Variants in MYO3B observed in about 807,000 individuals in gnomAD.
The protein encoded by MYO3B is myosin IIIB.
A neutral mutation model predicts 174.6 loss-of-function variants in MYO3B; 156 were observed. The ratio of observed to expected loss-of-function variants is 0.89; its 90% CI spans 0.78 to 1.02. MYO3B has a LOEUF of 1.02. MYO3B is among the 50% of genes least tolerant of loss of function. MYO3B has a pLI of 0.00. For missense variants in MYO3B, 1,632 were observed against 1,639.4 expected, an observed-to-expected ratio of 1.00 and a Z score of 0.08; for synonymous variants, 563 against 569.1, an observed-to-expected ratio of 0.99 and a Z score of 0.15.
intron 3 of MYO3B, among the ~76,000 whole-genome samples, chr2:170,213,752 G>A (rs1229134601): frequency 6.6e-6 from 1 of 152,202 alleles, no homozygotes; most frequent in East Asian, 1.9e-4. Flanking sequence ...AAAAAAGAGA[G>A]AAGAGCATAA....
intron 5 of MYO3B, among the ~76,000 whole-genome samples, chr2:170,215,752 C>T (rs994574451): frequency 1.3e-5 from 2 of 152,106 alleles, no homozygotes; most frequent in Admixed American, 6.5e-5. Context: ...TCTTATGCTC[C>T]TCTTTATAAG....
chr2:170,392,141 AAAT>A (rs2094416412), intron 15 of MYO3B, among the ~76,000 whole-genome samples: 1 of 148,354 alleles, frequency 6.7e-6, no homozygotes, highest in Admixed American at 6.7e-5. Context: ...AAAAAAAAAA[AAAT>A]TAGCTGGGTG....
intron 31 of MYO3B, among the ~76,000 whole-genome samples, 183 bp from the exon 32 acceptor site, chr2:170,543,709 C>T (rs1475698895): frequency 6.6e-6 from 1 of 152,064 alleles, no homozygotes; most frequent in East Asian, 1.9e-4. Flanking sequence ...TTCTAATTGC[C>T]CCAAGGAGAG....
chr2:170,212,694 T>C (rs1355342155), intron 3 of MYO3B, among the ~76,000 whole-genome samples: 1 of 152,134 alleles, frequency 6.6e-6, no homozygotes, highest in Non-Finnish European at 1.5e-5. Context: ...GCCCTCTACC[T>C]CACCGATTGA....
intron 7 of MYO3B, among the ~76,000 whole-genome samples, chr2:170,319,999 C>T (rs914935210): frequency 7.2e-5 from 11 of 152,124 alleles, no homozygotes; most frequent in Non-Finnish European, 8.8e-5. Context: ...TGTTGCTAGC[C>T]AACCCGCCTT....
chr2:170,464,680 G>C (rs901839666), intron 24 of MYO3B, among the ~76,000 whole-genome samples: 6 of 152,168 alleles, frequency 3.9e-5, no homozygotes, highest in Non-Finnish European at 8.8e-5. Context: ...TCCATGCATT[G>C]AGTCGTGCTA....
At chr2:170,341,026 A>G (rs1416893808) in intron 8 of MYO3B, 1 of 152,174 alleles carries the variant, frequency 6.6e-6, no homozygotes. Context: ...ATGACATTCA[A>G]ATGGGTATAA....
At chr2:170,545,404 T>C (rs928005146) in intron 32 of MYO3B, among the ~76,000 whole-genome samples, 12 of 152,214 alleles carry the variant, frequency 7.9e-5, no homozygotes, top group African/African-American at 2.2e-4. Flanking sequence ...GTCTGGCTCA[T>C]AGTAAGTGTT....
intron 25 of MYO3B, among the ~76,000 whole-genome samples, chr2:170,494,727 C>CAAAAAAAAAAA (rs3066990): frequency 3.3e-5 from 3 of 92,052 alleles, no homozygotes; most frequent in East Asian, 3.2e-4. Flanking sequence ...AACTGCGTCT[C>CAAAAAAAAAAA]AAAAAAAAAA....
intron 34 of MYO3B, 62 bp downstream of exon 34, chr2:170,652,216 C>A (rs1001427019): frequency 6.9e-5 from 102 of 1,483,492 alleles, no homozygotes; most frequent in Admixed American, 2.0e-5. Flanking sequence ...TGTGATATTA[C>A]AGAAAATGCA....
At chr2:170,301,531 A>G (rs1473252135) in intron 7 of MYO3B, among the ~76,000 whole-genome samples, 1 of 152,192 alleles carries the variant, frequency 6.6e-6, no homozygotes, top group Non-Finnish European at 1.5e-5. Context: ...CTCTTCTACT[A>G]CATTAAATTT....
intron 7 of MYO3B, among the ~76,000 whole-genome samples, chr2:170,268,766 A>G (rs564864665): frequency 6.6e-6 from 1 of 152,264 alleles, no homozygotes; most frequent in African/African-American, 2.4e-5. Flanking sequence ...TATAACAGAT[A>G]AAAATTAATA....
At chr2:170,341,162 G>A (rs1201876113) in intron 8 of MYO3B, 1 of 152,200 alleles carries the variant, frequency 6.6e-6, no homozygotes, top group East Asian at 1.9e-4. Flanking sequence ...TGCGTTCACT[G>A]TAGGCCTGAA....
intron 16 of MYO3B, among the ~76,000 whole-genome samples, chr2:170,394,715 G>T (rs2094434327): frequency 6.6e-6 from 1 of 152,176 alleles, no homozygotes; most frequent in African/African-American, 2.4e-5. Context: ...CCTTAGAAAT[G>T]AAAGGAAGAA....
chr2:170,628,351 G>A (rs56252005), intron 32 of MYO3B, among the ~76,000 whole-genome samples: 64,347 of 152,096 alleles, frequency 0.42, 14,437 homozygotes, highest in Non-Finnish European at 0.51. Context: ...TGAGCCAGGC[G>A]CAGGATATAA....
intron 32 of MYO3B, among the ~76,000 whole-genome samples, chr2:170,631,418 A>G (rs1452441537): frequency 6.6e-6 from 1 of 151,896 alleles, no homozygotes. Context: ...CCAAATCTAC[A>G]TCTGATTGGT....
chr2:170,331,439 C>G (rs893799677), intron 7 of MYO3B, among the ~76,000 whole-genome samples: 2 of 152,062 alleles, frequency 1.3e-5, no homozygotes, highest in African/African-American at 4.8e-5. Flanking sequence ...TGATGAGTAA[C>G]TGGACTAGGA....
intron 32 of MYO3B, among the ~76,000 whole-genome samples, chr2:170,628,271 T>G (rs1696636016): frequency 6.6e-6 from 1 of 152,228 alleles, no homozygotes; most frequent in Non-Finnish European, 1.5e-5. Context: ...CCAGCCTCAC[T>G]GCTGCCTTGC....
intron 31 of MYO3B, among the ~76,000 whole-genome samples, 180 bp from the exon 32 acceptor site, chr2:170,543,712 A>G (rs917095507): frequency 6.6e-6 from 1 of 152,196 alleles, no homozygotes; most frequent in African/African-American, 2.4e-5. Context: ...TAATTGCCCC[A>G]AGGAGAGGAC....
Sources: allele counts gnomAD v4.1 joint callset (sites outside exome capture counted in the v4.1 genomes callset), GRCh38; gene constraint gnomAD v4.1.1; transcripts MANE v1.5; gene names NCBI Gene and HGNC (gene_info 2026-07-23, HGNC 2026-07-21).